CHST7: variants seen among roughly 807,000 people sequenced by gnomAD.
The protein encoded by CHST7 is carbohydrate sulfotransferase 7.
A neutral mutation model predicts 9.0 loss-of-function variants in CHST7; 5 were observed. The observed-to-expected ratio is 0.56, with a 90% confidence interval of 0.29 to 1.17. CHST7 has a LOEUF of 1.17. Among genes scored for constraint, CHST7 ranks in the 50% most tolerant of loss-of-function variants. The pLI is 0.08. For synonymous variants in CHST7, 244 were observed against 237.1 expected, an observed-to-expected ratio of 1.03 and a Z score of -0.27; for missense variants, 377 against 485.1, an observed-to-expected ratio of 0.78 and a Z score of 2.09.
intron 1 of CHST7, among the ~76,000 whole-genome samples, chrX:46,588,689 C>T (rs1438376707): frequency 1.8e-5 from 2 of 111,113 alleles, no homozygotes; most frequent in African/African-American, 6.6e-5. Context: ...ACACCCAGCT[C>T]ATTGAAATAT....
At position 46,574,480 on chromosome X, in the gene CHST7, C is replaced by T; in HGVS notation, c.549C>T (p.Asp183=). ...PPGDPAARAP[D]TANLTTAALF... is the part of the protein sequence containing the mutation. ...GGGACCCCGCTGCGCGCGCCCCGGA[C>T]ACGGCCAATCTTACCACGGCCGCCC... Residue 183 remains aspartate, a synonymous_variant, in exon 1 of 2, where the codon GAC becomes GAT. Transcript: ENST00000276055. The T allele has an allele frequency of 8.3e-7, 1 of 1,206,627 alleles. No homozygotes were observed. Among genetic ancestry groups the T allele is most frequent in the Non-Finnish European group, 1.1e-6 (1 of 892,883 alleles).
intron 1 of CHST7, among the ~76,000 whole-genome samples, chrX:46,596,256 G>A (rs1436819122): frequency 9.0e-6 from 1 of 111,300 alleles, no homozygotes; most frequent in East Asian, 2.8e-4. Flanking sequence ...CATCTTGGAT[G>A]CTAATCCACT....
intron 1 of CHST7, among the ~76,000 whole-genome samples, chrX:46,577,745 G>A (rs1034627687): frequency 1.8e-5 from 2 of 111,741 alleles, no homozygotes; most frequent in Non-Finnish European, 3.8e-5. Flanking sequence ...CCCTGCCTTG[G>A]CATTCCCTGG....
At chrX:46,594,631 T>C (rs1260296452) in intron 1 of CHST7, among the ~76,000 whole-genome samples, 1 of 111,982 alleles carries the variant, frequency 8.9e-6, no homozygotes, top group African/African-American at 3.2e-5. Flanking sequence ...ACAAAATCCG[T>C]TGGCATTCAT....
At chrX:46,596,520 T>TA (rs1479133623) in intron 1 of CHST7, among the ~76,000 whole-genome samples, 2 of 110,897 alleles carry the variant, frequency 1.8e-5, no homozygotes, top group Non-Finnish European at 3.8e-5. Flanking sequence ...AGTTCCCCGA[T>TA]AAAATCACCC....
At chrX:46,591,556 G>A (rs1942573108) in intron 1 of CHST7, among the ~76,000 whole-genome samples, 1 of 109,490 alleles carries the variant, frequency 9.1e-6, no homozygotes, top group Non-Finnish European at 1.9e-5. Flanking sequence ...TGTATTTTTA[G>A]TAGAAACAGG....
At chrX:46,591,270 T>A (rs1214224981) in intron 1 of CHST7, among the ~76,000 whole-genome samples, 2 of 112,925 alleles carry the variant, frequency 1.8e-5, no homozygotes, top group Non-Finnish European at 3.7e-5. Flanking sequence ...ACCAAACTGT[T>A]GCTGAGAGCA....
intron 1 of CHST7, among the ~76,000 whole-genome samples, chrX:46,589,504 C>T (rs1162884626): frequency 9.3e-6 from 1 of 107,736 alleles, no homozygotes; most frequent in Admixed American, 1.0e-4. Flanking sequence ...GAGCCAAGAT[C>T]GCACCCCTGC....
chrX:46,598,405 A>G lies in CHST7; in HGVS notation c.*677A>G, dbSNP rs922267430. The G allele has an allele frequency of 8.9e-6, 1 of 112,659 alleles. No homozygotes were observed. The highest frequency in any genetic ancestry group is 1.9e-5 in the Non-Finnish European group (1 of 53,361). 9.3% of individuals were successfully genotyped at this position (112,659 alleles called of 1,213,427 possible). On this transcript the variant is annotated 3_prime_UTR_variant, in exon 2 of 2. Coordinates refer to ENST00000276055, the MANE Select transcript of CHST7 (RefSeq NM_019886.4). ...ATGACTCTGGAGTCATGTTAATGACAGGATTTGTTTTGTTTGGATGCAGTT... is the reference window on the plus strand; with the variant it reads ...ATGACTCTGGAGTCATGTTAATGACGGGATTTGTTTTGTTTGGATGCAGTT...
chrX:46,574,013 G>A lies in CHST7; in HGVS notation c.82G>A (p.Val28Ile). 1.7e-6 allele frequency: 2 copies of A among 1,160,480 alleles called. No homozygotes were observed. Among genetic ancestry groups the A allele is most frequent in the Non-Finnish European group, 2.3e-6 (2 of 875,210 alleles). The change falls in exon 1 of 2, where the codon GTC becomes ATC. Residue 28 changes from valine (V) to isoleucine (I), a missense_variant. Around this residue, in one of 3 missense-constraint regions of CHST7, gnomAD observed 239 missense variants for 325.7 expected, o/e 0.73. Transcript: ENST00000276055. The part of the protein sequence containing the change: ...LVLYTLVLLL[V>I]PSVLDGGRDG... Reference sequence around the variant, plus strand: ...GCTGTACACGCTGGTGCTGTTGCTCGTCCCCTCCGTATTGGACGGCGGCCG... The same window carrying A: ...GCTGTACACGCTGGTGCTGTTGCTCATCCCCTCCGTATTGGACGGCGGCCG...
chrX:46,597,422 G>A (rs1405665594), intron 1 of CHST7, among the ~76,000 whole-genome samples: 1 of 111,465 alleles, frequency 9.0e-6, no homozygotes, highest in Non-Finnish European at 1.9e-5. Context: ...CTAAAGGTAC[G>A]GTTTCAATCC....
chrX:46,574,934 C>G lies in CHST7; in HGVS notation c.1003C>G (p.Pro335Ala). ...GGQSRALPAA[P>A]RADFFLTGAL... is the part of the protein sequence containing the mutation. ...CCAGTCTCGCGCGCTGCCCGCCGCG[C>G]CGCGCGCCGATTTCTTCCTGACCGG... is the stretch of plus-strand genomic sequence containing the variant. Residue 335 changes from proline (P) to alanine (A), a missense_variant, in exon 1 of 2, where the codon CCG (proline) becomes GCG (alanine). Pro to Ala is a conservative substitution (Grantham distance 27). Around this residue, in one of 3 missense-constraint regions of CHST7, gnomAD observed 239 missense variants for 325.7 expected, o/e 0.73. Coordinates refer to ENST00000276055, the MANE Select transcript of CHST7 (RefSeq NM_019886.4). 1 of 1,147,883 alleles carries G rather than the reference C, an allele frequency of 8.7e-7. No homozygotes were observed. The highest frequency in any genetic ancestry group is 1.1e-6 in the Non-Finnish European group (1 of 872,513). 94.6% of individuals were successfully genotyped at this position (1,147,883 alleles called of 1,213,427 possible).
chrX:46,592,930 T>G (rs1389293066), intron 1 of CHST7, among the ~76,000 whole-genome samples: 3 of 109,936 alleles, frequency 2.7e-5, no homozygotes, highest in Non-Finnish European at 5.7e-5. Flanking sequence ...CAATATAGTT[T>G]TATTTTCAAT....
chrX:46,594,931 CTTTT>C (rs755812693), intron 1 of CHST7, among the ~76,000 whole-genome samples: 1 of 111,462 alleles, frequency 9.0e-6, no homozygotes, highest in Non-Finnish European at 1.9e-5. Flanking sequence ...CTCTGTTTAT[CTTTT>C]TTTAACTCTA....
rs990882077 is a variant in CHST7 at position 46,598,240 on chromosome X, A to C, written c.*512A>C. Reference sequence around the variant, plus strand: ...CCTGACTCATCCAGCTGTCCTTCAAATAGCTCCGTCTCCCTCTACCCAGAA... The same window carrying C: ...CCTGACTCATCCAGCTGTCCTTCAACTAGCTCCGTCTCCCTCTACCCAGAA... On this transcript the variant is annotated 3_prime_UTR_variant, in exon 2 of 2. Coordinates refer to ENST00000276055, the MANE Select transcript of CHST7 (RefSeq NM_019886.4). 1 of 112,621 alleles carries C rather than the reference A, an allele frequency of 8.9e-6. No individual in the cohort carries two copies. The highest frequency in any genetic ancestry group is 3.2e-5 in the African/African-American group (1 of 30,968). The allele number at this position is 112,621 out of a possible 1,213,427, so 9.3% of individuals were successfully genotyped here.
chrX:46,586,285 A>G lies in CHST7; in HGVS notation c.*31+10862A>G, dbSNP rs779948708. ...ACTGCCTCACTCTGCAGGGAGAGAT[A>G]CCTGCAGTGATTGGCTAGAGTTTGG... On this transcript the variant is annotated intron_variant, in intron 1 of 1. Transcript: ENST00000276055. 4.5e-5 allele frequency among the ~76,000 whole-genome samples: 5 copies of G among 112,080 alleles called. No individual in the cohort carries two copies. In the South Asian group the frequency reaches 1.9e-3, roughly 42 times the overall value.
In CHST7 at chrX:46,574,966, C is replaced by T; in HGVS notation, c.1035C>T (p.Leu345=). Residue 345 remains leucine (L), a synonymous_variant, in exon 1 of 2, where the codon CTC becomes CTT. Coordinates refer to ENST00000276055, the MANE Select transcript of CHST7 (RefSeq NM_019886.4). ...CCGATTTCTTCCTGACCGGTGCGCT[C>T]GAGGTGATCTGCGAAGCCTGGCTGC... The part of the protein sequence containing the change: ...PRADFFLTGA[L]EVICEAWLRD... The T allele has an allele frequency of 8.6e-7, 1 of 1,156,070 alleles. No homozygotes were observed. The highest frequency in any genetic ancestry group is 3.3e-5 in the East Asian group (1 of 30,430).
chrX:46,593,625 A>G (rs1014410230), intron 1 of CHST7, among the ~76,000 whole-genome samples: 1 of 111,845 alleles, frequency 8.9e-6, no homozygotes, highest in African/African-American at 3.2e-5. Flanking sequence ...ATGTATTTAA[A>G]CCATTTATAC....
chrX:46,574,085 C>A lies in CHST7; in HGVS notation c.154C>A (p.Leu52Met). The A allele has an allele frequency of 2.6e-6, 3 of 1,169,458 alleles. No individual in the cohort carries two copies. Among genetic ancestry groups the A allele is most frequent in the Non-Finnish European group, 3.4e-6 (3 of 876,008 alleles). ...GCACTGCCCCGGCCTGCAGCGCAGC[C>A]TGGGAGTGTGGAGCCTGGAGGCGGC... ...AEHCPGLQRS[L>M]GVWSLEAAAA... is the part of the protein sequence containing the mutation. Residue 52 changes from leucine (L) to methionine (M), a missense_variant, in exon 1 of 2, where the codon CTG becomes ATG. By Grantham distance (15) the Leu-to-Met change is conservative. Coordinates refer to ENST00000276055, the MANE Select transcript of CHST7 (RefSeq NM_019886.4).
Sources: allele counts gnomAD v4.1 joint callset (sites outside exome capture counted in the v4.1 genomes callset), GRCh38; gene constraint gnomAD v4.1.1; regional missense constraint gnomAD v4.1.1; transcripts MANE v1.5; gene names NCBI Gene and HGNC (gene_info 2026-07-23, HGNC 2026-07-21).